CYFIP2: variants seen among roughly 807,000 people sequenced by gnomAD.
The protein encoded by CYFIP2 is cytoplasmic FMR1-interacting protein 2.
A neutral mutation model predicts 158.7 loss-of-function variants in CYFIP2; 29 were observed. That is an observed-to-expected ratio of 0.18 (90% CI 0.14 to 0.25). CYFIP2 has a LOEUF of 0.25. Ranked by LOEUF, CYFIP2 falls within the 10% of genes least tolerant of loss-of-function variation. CYFIP2 has a pLI of 1.00. For synonymous variants in CYFIP2, 585 were observed against 617.6 expected (o/e 0.95, Z 0.78); for missense variants, 852 against 1,639.5 (o/e 0.52, Z 8.29).
intron 30 of CYFIP2, among the ~76,000 whole-genome samples, chr5:157,391,675 TC>T (rs1401423504): frequency 6.6e-6 from 1 of 152,268 alleles, no homozygotes; most frequent in Non-Finnish European, 1.5e-5. Context: ...GTTTGTCCAC[TC>T]AGGTTGCTGT....
rs1204106920 is a variant in CYFIP2, at chr5:157,266,140, G to C, written c.-79G>C. The stretch of plus-strand genomic sequence containing the variant: ...AGCGGGGCAGAGCATCCTGCGCCCC[G>C]GCGCGGGGCCCTGCGGTAGCCTCAG... On this transcript the variant is annotated 5_prime_UTR_variant, in exon 1 of 31. Coordinates refer to ENST00000620254, the MANE Select transcript of CYFIP2 (RefSeq NM_001037333.3). This position sits in a 1 kb window ranked among gnomAD's most constrained non-coding sequence, Gnocchi z 4.2. 6.6e-6 allele frequency: 1 copy of C among 150,712 alleles called. No homozygotes were observed. 9.3% of individuals were successfully genotyped at this position (150,712 alleles called of 1,614,324 possible).
chr5:157,325,489 G>A lies in CYFIP2; in HGVS notation c.1833G>A (p.Leu611=). 2 of 1,610,754 alleles carry A rather than the reference G, an allele frequency of 1.2e-6. No homozygotes were observed. The highest frequency in any genetic ancestry group is 1.7e-6 in the Non-Finnish European group (2 of 1,178,560). ...GTTCCCTTATGCTTTCAGAAGCCCTGCAGCAGTGTTGTGACCTCTCCCAGC... is the reference window on the plus strand; with the variant it reads ...GTTCCCTTATGCTTTCAGAAGCCCTACAGCAGTGTTGTGACCTCTCCCAGC... The part of the protein sequence containing the change: ...FTHLLNISEA[L]QQCCDLSQLW... Residue 611 remains leucine, a synonymous_variant, in exon 17 of 31, where the codon CTG becomes CTA. Coordinates refer to ENST00000620254, the MANE Select transcript of CYFIP2 (RefSeq NM_001037333.3).
chr5:157,334,259 G>A (rs748666880), intron 21 of CYFIP2, among the ~76,000 whole-genome samples: 23 of 152,344 alleles, frequency 1.5e-4, no homozygotes, highest in South Asian at 6.2e-4. Flanking sequence ...CCAGGGAAGA[G>A]GAAGATGGTG....
At chr5:157,318,634 T>C (rs1760341867) in intron 13 of CYFIP2, among the ~76,000 whole-genome samples, 1 of 152,248 alleles carries the variant, frequency 6.6e-6, no homozygotes, top group Admixed American at 6.5e-5. Context: ...GGGTCTGAGC[T>C]CATTCATTCA....
At chr5:157,286,600 G>T (rs1296696626) in intron 2 of CYFIP2, among the ~76,000 whole-genome samples, 6 of 147,272 alleles carry the variant, frequency 4.1e-5, no homozygotes, top group African/African-American at 1.5e-4. Flanking sequence ...ACTGTTGATG[G>T]ATATGTAGGT....
intron 1 of CYFIP2, among the ~76,000 whole-genome samples, chr5:157,284,307 C>G (rs977360452): frequency 6.6e-6 from 1 of 152,088 alleles, no homozygotes; most frequent in Non-Finnish European, 1.5e-5. Context: ...TTCTAAAGAT[C>G]TTATCATTTC....
chr5:157,357,223 G>A (rs985056583), intron 23 of CYFIP2, among the ~76,000 whole-genome samples: 2 of 152,122 alleles, frequency 1.3e-5, no homozygotes, highest in Admixed American at 6.5e-5. Context: ...AATTGTGTTC[G>A]TCACGGATCC....
Position 157,361,055 on chromosome 5 carries a change from G to A in CYFIP2, c.2909-413G>A, listed in dbSNP as rs1763781713. Reference sequence around the variant, plus strand: ...TCTCTGAGCCTCATCTGAAACCAGGGTAATAGTGCCTAGTTAGTGATATTG... The same window carrying A: ...TCTCTGAGCCTCATCTGAAACCAGGATAATAGTGCCTAGTTAGTGATATTG... On this transcript the variant is annotated intron_variant, in intron 25 of 30. Coordinates refer to ENST00000620254, the MANE Select transcript of CYFIP2 (RefSeq NM_001037333.3). This position sits in a 1 kb window ranked among gnomAD's most constrained non-coding sequence, Gnocchi z 4.4. Among the ~76,000 whole-genome samples, 2 of 152,210 alleles carry A rather than the reference G, an allele frequency of 1.3e-5. No individual in the cohort carries two copies. Among genetic ancestry groups the A allele is most frequent in the African/African-American group, 2.4e-5 (1 of 41,450 alleles).
intron 10 of CYFIP2, 85 bp downstream of exon 10, chr5:157,309,919 C>T: frequency 7.9e-7 from 1 of 1,269,100 alleles, no homozygotes. Context: ...AGCCCCTCCT[C>T]CCTCCCCAGA....
chr5:157,382,707 C>T (rs1766248912), intron 27 of CYFIP2, 45 bp downstream of exon 27: 1 of 1,583,812 alleles, frequency 6.3e-7, no homozygotes, highest in Non-Finnish European at 8.7e-7. Context: ...GGCGTTTGAA[C>T]CTTATTCTCA....
At chr5:157,274,917 T>C (rs1490999227) in intron 1 of CYFIP2, among the ~76,000 whole-genome samples, 1 of 152,150 alleles carries the variant, frequency 6.6e-6, no homozygotes, top group African/African-American at 2.4e-5. Flanking sequence ...GTTTTAAGAA[T>C]TCATTTTTTA....
At chr5:157,375,586 C>T (rs1765383224) in intron 26 of CYFIP2, among the ~76,000 whole-genome samples, 1 of 152,074 alleles carries the variant, frequency 6.6e-6, no homozygotes, top group Admixed American at 6.5e-5. Flanking sequence ...GCTTTGAATG[C>T]AGCCCGACCC....
chr5:157,268,716 G>A (rs1262329120), intron 1 of CYFIP2, among the ~76,000 whole-genome samples: 2 of 152,206 alleles, frequency 1.3e-5, no homozygotes, highest in African/African-American at 4.8e-5. Context: ...TTACTGGCAA[G>A]TATTAATTAT....
At chr5:157,331,279 G>T (rs981377864) in intron 20 of CYFIP2, among the ~76,000 whole-genome samples, 2 of 151,598 alleles carry the variant, frequency 1.3e-5, no homozygotes, top group African/African-American at 2.4e-5. Context: ...TTTTTTGTGT[G>T]CAGAGTTGGT....
intron 1 of CYFIP2, among the ~76,000 whole-genome samples, chr5:157,275,615 G>A (rs1315216837): frequency 6.6e-6 from 1 of 152,150 alleles, no homozygotes; most frequent in African/African-American, 2.4e-5. Flanking sequence ...CCCCAAGATT[G>A]TCTTGATTAT....
chr5:157,323,256 C>T (rs531794044), intron 15 of CYFIP2, among the ~76,000 whole-genome samples: 60 of 152,336 alleles, frequency 3.9e-4, no homozygotes, highest in African/African-American at 1.4e-3. Flanking sequence ...GTTAACCCGC[C>T]TTCCACCCTG....
chr5:157,299,235 T>C (rs1758522586), intron 5 of CYFIP2, among the ~76,000 whole-genome samples: 1 of 152,060 alleles, frequency 6.6e-6, no homozygotes, highest in African/African-American at 2.4e-5. Context: ...GAACCTCCCA[T>C]GTCTCCCCAG....
intron 6 of CYFIP2, among the ~76,000 whole-genome samples, chr5:157,301,427 C>T (rs899600622): frequency 2.0e-5 from 3 of 152,286 alleles, no homozygotes; most frequent in Admixed American, 1.3e-4. Context: ...AGCAGCTTTC[C>T]TCAGGCCAGT....
At chr5:157,382,785 A>C in intron 27 of CYFIP2, 123 bp downstream of exon 27, 1 of 976,818 alleles carries the variant, frequency 1.0e-6, no homozygotes, top group Non-Finnish European at 1.5e-6. Flanking sequence ...ACACCTATTG[A>C]ATAGCCACAG....
Sources: gnomAD v4.1 joint callset for allele counts (sites outside exome capture counted in the v4.1 genomes callset) on GRCh38, gnomAD v4.1.1 for gene constraint, Gnocchi (gnomAD v3.1) non-coding constraint, MANE v1.5 for transcripts, NCBI Gene and HGNC (gene_info 2026-07-23, HGNC 2026-07-21) for gene names.